The following ARHGAP11A variants were observed in gnomAD, a reference collection of about 807,000 sequenced individuals.
The protein encoded by ARHGAP11A is rho GTPase-activating protein 11A.
A neutral mutation model predicts 60.5 loss-of-function variants in ARHGAP11A; 36 were observed. The observed-to-expected ratio is 0.59, with a 90% CI of 0.46 to 0.79. ARHGAP11A has a LOEUF of 0.79. Among genes scored for constraint, ARHGAP11A ranks in the 30% least tolerant of loss-of-function variants. The pLI, the probability that ARHGAP11A is intolerant of heterozygous loss-of-function variation, is 0.00. For missense variants in ARHGAP11A, 1,071 were observed against 1,199.2 expected, an observed-to-expected ratio of 0.89 and a Z score of 1.58; for synonymous variants, 362 against 415.5, an observed-to-expected ratio of 0.87 and a Z score of 1.57.
At chr15:32,616,771 T>C (rs761914012) in intron 1 of ARHGAP11A, among the ~76,000 whole-genome samples, 17 of 152,190 alleles carry the variant, frequency 1.1e-4, no homozygotes, top group Non-Finnish European at 2.2e-4. Context: ...GGACAAAAAC[T>C]CTACCCCTCC....
intron 1 of ARHGAP11A, among the ~76,000 whole-genome samples, chr15:32,618,856 G>T (rs1450786613): frequency 6.6e-6 from 1 of 151,106 alleles, no homozygotes; most frequent in Non-Finnish European, 1.5e-5. Flanking sequence ...GGAAGCTGAG[G>T]CAGGAGAATG....
rs1312271139 is a variant in ARHGAP11A, at chr15:32,637,768, G to A, written c.2995G>A (p.Ala999Thr). The A allele has an allele frequency of 3.1e-6, 5 of 1,613,758 alleles. No homozygotes were observed. The highest frequency in any genetic ancestry group is 1.3e-5 in the African/African-American group (1 of 74,906). The change falls in exon 12 of 12, where the codon GCC becomes ACC. Residue 999 changes from alanine (A) to threonine (T), a missense_variant. Physicochemically the swap from Ala to Thr is moderately conservative, Grantham distance 58. Coordinates refer to ENST00000361627, the MANE Select transcript of ARHGAP11A (RefSeq NM_014783.6). Reference sequence around the variant, plus strand: ...TAGGAGACCATCAGAAAGAGGAAGGGCCTGGTACAAAGGTTCTCCAAAACA... The same window carrying A: ...TAGGAGACCATCAGAAAGAGGAAGGACCTGGTACAAAGGTTCTCCAAAACA... ...VLRRPSERGR[A>T]WYKGSPKHPI...
In ARHGAP11A at chr15:32,636,451, C is replaced by A. The variant is rs1038225235; in HGVS notation, c.1678C>A (p.Pro560Thr). The A allele has an allele frequency of 1.5e-5, 25 of 1,613,778 alleles. No individual in the cohort carries two copies. In the African/African-American group the frequency reaches 2.3e-4, roughly 15 times the overall value. ...LEPDIMVEKS[P>T]ATSCELTPSN... is the part of the protein sequence containing the mutation. ...GCCTGATATTATGGTAGAAAAGTCA[C>A]CTGCTACTTCATGTGAACTCACCCC... The change falls in exon 12 of 12, where the codon CCT becomes ACT. Residue 560 changes from proline to threonine, a missense_variant. By Grantham distance (38) the Pro-to-Thr change is conservative. Transcript: ENST00000361627.
At chr15:32,625,822 C>G (rs566785331) in intron 6 of ARHGAP11A, among the ~76,000 whole-genome samples, 189 bp downstream of exon 6, 8 of 152,296 alleles carry the variant, frequency 5.3e-5, no homozygotes, top group African/African-American at 1.7e-4. Flanking sequence ...ATCTTTAGCA[C>G]AAACATAAAA....
rs1011060337 is a variant in ARHGAP11A, at chr15:32,637,864, G to T, written c.*19G>T. 2 of 1,538,410 alleles carry T rather than the reference G, an allele frequency of 1.3e-6. No individual in the cohort carries two copies. The highest frequency in any genetic ancestry group is 1.8e-6 in the Non-Finnish European group (2 of 1,141,736). ...TTTGTAATTGGTAAATGTTATACTT[G>T]TCATTAATGTAAATAAAGTGAGTAA... On this transcript the variant is annotated 3_prime_UTR_variant, in exon 12 of 12. Coordinates refer to ENST00000361627, the MANE Select transcript of ARHGAP11A (RefSeq NM_014783.6).
Position 32,637,145 on chromosome 15 carries a change from G to C in ARHGAP11A, c.2372G>C (p.Cys791Ser), listed in dbSNP as rs2053736720. ...GCTAAACAGCAGTCATTGGAAACAT[G>C]TGAGAAAACAGTTTCTGAAAGTTCA... ...RIAKQQSLET[C>S]EKTVSESSQM... The change falls in exon 12 of 12, where the codon TGT (cysteine) becomes TCT (serine). Residue 791 changes from cysteine (C) to serine (S), a missense_variant. Physicochemically the swap from Cys to Ser is moderately radical, Grantham distance 112. Transcript: ENST00000361627. 4 of 1,613,868 alleles carry C rather than the reference G, an allele frequency of 2.5e-6. No individual in the cohort carries two copies. The South Asian group carries it at 4.4e-5, about 18-fold the overall frequency.
intron 9 of ARHGAP11A, 100 bp from the exon 10 acceptor site, chr15:32,633,833 T>C (rs2053640907): frequency 1.5e-6 from 1 of 686,142 alleles, no homozygotes; most frequent in African/African-American, 1.9e-5. Context: ...CCAATTATTA[T>C]CAATATGATT....
chr15:32,622,312 G>T (rs1376395437), intron 2 of ARHGAP11A, among the ~76,000 whole-genome samples: 2 of 152,286 alleles, frequency 1.3e-5, no homozygotes, highest in African/African-American at 4.8e-5. Context: ...CAGCTAGTCG[G>T]GAGGCTGAGG....
Position 32,622,123 on chromosome 15 carries a change from A to G in ARHGAP11A, c.201-1369A>G, listed in dbSNP as rs1363519642. On this transcript the variant is annotated intron_variant, in intron 2 of 11. Transcript: ENST00000361627. Reference sequence around the variant, plus strand: ...TGATTTTCTTATAATGAACACCTATAATGATTTTCAACAGGCCGGGCACAG... The same window carrying G: ...TGATTTTCTTATAATGAACACCTATGATGATTTTCAACAGGCCGGGCACAG... Among the ~76,000 whole-genome samples, 4 of 152,312 alleles carry G rather than the reference A, an allele frequency of 2.6e-5. No individual in the cohort carries two copies. The East Asian group carries it at 7.7e-4, about 29-fold the overall frequency.
In ARHGAP11A at chr15:32,631,398, C is replaced by G. The variant is rs567101978; in HGVS notation, c.1106-1581C>G. On this transcript the variant is annotated intron_variant, in intron 8 of 11. Transcript: ENST00000361627. The stretch of plus-strand genomic sequence containing the variant: ...GCAGCCACCACCTCTCAGGTTCAAG[C>G]GATTTTCCTGCCTCAGCCTCCCAGG... 2.3e-3 allele frequency among the ~76,000 whole-genome samples: 355 copies of G among 151,756 alleles called. 2 individuals carry two copies. Among genetic ancestry groups the G allele is most frequent in the Admixed American group, 5.1e-3 (78 of 15,256 alleles).
intron 1 of ARHGAP11A, among the ~76,000 whole-genome samples, chr15:32,619,302 A>C (rs560628343): frequency 6.6e-6 from 1 of 152,202 alleles, no homozygotes; most frequent in Non-Finnish European, 1.5e-5. Context: ...TACAGGCTTG[A>C]ATTTACCTTT....
chr15:32,619,989 G>C, intron 1 of ARHGAP11A, 119 bp from the exon 2 acceptor site: 11 of 1,537,722 alleles, frequency 7.2e-6, no homozygotes, highest in Non-Finnish European at 8.8e-6. Context: ...TTGATAGATA[G>C]TTTATCATTT....
Position 32,636,473 on chromosome 15 carries a change from C to T in ARHGAP11A, c.1700C>T (p.Thr567Ile). Residue 567 changes from threonine to isoleucine, a missense_variant, in exon 12 of 12, where the codon ACC (threonine) becomes ATC (isoleucine). By Grantham distance (89) the Thr-to-Ile change is moderately conservative (BLOSUM62 -1). Around this residue, in one of 4 missense-constraint regions of ARHGAP11A, gnomAD observed 776 missense variants for 760.2 expected, o/e 1.02. Transcript: ENST00000361627. ...EKSPATSCEL[T>I]PSNLNNKHNS... ...TCACCTGCTACTTCATGTGAACTCA[C>T]CCCTTCCAATTTAAACAATAAGCAT... 1 of 1,613,892 alleles carries T rather than the reference C, an allele frequency of 6.2e-7. No homozygotes were observed. Among genetic ancestry groups the T allele is most frequent in the Non-Finnish European group, 8.5e-7 (1 of 1,179,912 alleles).
At chr15:32,618,201 T>G (rs1213214221) in intron 1 of ARHGAP11A, among the ~76,000 whole-genome samples, 1 of 152,246 alleles carries the variant, frequency 6.6e-6, no homozygotes, top group Admixed American at 6.5e-5. Context: ...AACTGTAGTT[T>G]TAAGTTTTAA....
At chr15:32,631,359 A>C (rs548701794) in intron 8 of ARHGAP11A, among the ~76,000 whole-genome samples, 337 of 151,930 alleles carry the variant, frequency 2.2e-3, no homozygotes, top group African/African-American at 7.7e-3. Flanking sequence ...GCAATGGCAC[A>C]ATCTCGGCTC....
At chr15:32,622,889 CAG>C (rs1451191669) in intron 2 of ARHGAP11A, among the ~76,000 whole-genome samples, 1 of 152,152 alleles carries the variant, frequency 6.6e-6, no homozygotes, top group East Asian at 1.9e-4. Context: ...TGGCCTTGGA[CAG>C]AGCCCTGGGT....
intron 1 of ARHGAP11A, among the ~76,000 whole-genome samples, chr15:32,619,540 G>A (rs1033404635): frequency 3.3e-5 from 5 of 151,502 alleles, no homozygotes; most frequent in Admixed American, 2.0e-4. Flanking sequence ...CTTGCTTACT[G>A]CAGGGCATGG....
chr15:32,620,494 T>C (rs1179191066), intron 2 of ARHGAP11A, among the ~76,000 whole-genome samples: 1 of 151,644 alleles, frequency 6.6e-6, no homozygotes, highest in Non-Finnish European at 1.5e-5. Context: ...TTAAAAGAAA[T>C]AGTTGATTAA....
chr15:32,623,342 A>T (rs1343872331), intron 2 of ARHGAP11A, 150 bp from the exon 3 acceptor site: 1 of 646,142 alleles, frequency 1.5e-6, no homozygotes, highest in African/African-American at 1.9e-5. Flanking sequence ...CCAGTAGACA[A>T]CTAAAAGTAA....
Sources: allele counts gnomAD v4.1 joint callset (sites outside exome capture counted in the v4.1 genomes callset), GRCh38; gene constraint gnomAD v4.1.1; regional missense constraint gnomAD v4.1.1; transcripts MANE v1.5; gene names NCBI Gene and HGNC (gene_info 2026-07-23, HGNC 2026-07-21).